TMPRSS11D: variants seen among roughly 807,000 people sequenced by gnomAD.
The protein encoded by TMPRSS11D is transmembrane serine protease 11D.
A neutral mutation model predicts 44.4 loss-of-function variants in TMPRSS11D; 32 were observed. The ratio of observed to expected loss-of-function variants is 0.72; its 90% confidence interval spans 0.54 to 0.97. TMPRSS11D has a LOEUF of 0.97. Ranked by LOEUF, TMPRSS11D falls within the 50% of genes least tolerant of loss-of-function variation. The pLI is 0.00. For missense variants in TMPRSS11D, 446 were observed against 502.6 expected (o/e 0.89, Z 1.08); for synonymous variants, 179 against 177.9 (o/e 1.01, Z -0.05).
intron 7 of TMPRSS11D, among the ~76,000 whole-genome samples, chr4:67,829,124 A>G (rs1385331399): frequency 6.6e-6 from 1 of 151,722 alleles, no homozygotes; most frequent in Non-Finnish European, 1.5e-5. Flanking sequence ...CCCTAATCTT[A>G]AAACAATCTT....
At chr4:67,841,208 T>TCAG (rs1220730894) in intron 4 of TMPRSS11D, among the ~76,000 whole-genome samples, 1 of 152,100 alleles carries the variant, frequency 6.6e-6, no homozygotes, top group Non-Finnish European at 1.5e-5. Context: ...TTGAGAGCAC[T>TCAG]CAGCATATGG....
At chr4:67,835,662 G>GA (rs1718065026) in intron 5 of TMPRSS11D, among the ~76,000 whole-genome samples, 2 of 151,928 alleles carry the variant, frequency 1.3e-5, no homozygotes, top group Admixed American at 1.3e-4. Context: ...GTAGAGAAAA[G>GA]AAAAAAGAGA....
At chr4:67,880,466 G>A (rs757608271) in intron 1 of TMPRSS11D, among the ~76,000 whole-genome samples, 7 of 152,002 alleles carry the variant, frequency 4.6e-5, no homozygotes, top group African/African-American at 1.2e-4. Flanking sequence ...ATAGTATGGC[G>A]TGTCTTTATG....
intron 4 of TMPRSS11D, among the ~76,000 whole-genome samples, chr4:67,841,727 T>C (rs186203620): frequency 6.6e-6 from 1 of 152,128 alleles, no homozygotes; most frequent in Non-Finnish European, 1.5e-5. Flanking sequence ...GACCGAAAGG[T>C]GTTTTGGAAA....
At chr4:67,877,109 T>C (rs1267921311) in intron 1 of TMPRSS11D, among the ~76,000 whole-genome samples, 2 of 152,202 alleles carry the variant, frequency 1.3e-5, no homozygotes, top group Non-Finnish European at 2.9e-5. Context: ...ATTCATTCTA[T>C]TGTGCTCTGT....
chr4:67,857,857 A>G (rs1362252725), intron 2 of TMPRSS11D, among the ~76,000 whole-genome samples: 2 of 152,230 alleles, frequency 1.3e-5, no homozygotes, highest in Non-Finnish European at 2.9e-5. Flanking sequence ...GCTAGAAAAG[A>G]GGACTTGAGT....
intron 1 of TMPRSS11D, among the ~76,000 whole-genome samples, chr4:67,874,474 T>C (rs1408801955): frequency 6.6e-6 from 1 of 152,164 alleles, no homozygotes; most frequent in Admixed American, 6.5e-5. Context: ...TACACTCTAA[T>C]GGCAGTGTTT....
chr4:67,881,137 A>G lies in TMPRSS11D; in HGVS notation c.8+2789T>C, dbSNP rs138775919. Among the ~76,000 whole-genome samples the G allele has an allele frequency of 4.3e-3, 662 of 152,310 alleles. 4 individuals are homozygous for G. Among genetic ancestry groups the G allele is most frequent in the South Asian group, 0.019 (90 of 4,830 alleles). ...ATGGGATCCTTCAAATGGGAGCAATACCTTTTAAGAAATTGGATTGGATAA... is the reference window on the plus strand; with the variant it reads ...ATGGGATCCTTCAAATGGGAGCAATGCCTTTTAAGAAATTGGATTGGATAA... On this transcript the variant is annotated intron_variant, in intron 1 of 9. Transcript: ENST00000283916.
chr4:67,852,940 A>G (rs2109682770), intron 3 of TMPRSS11D, among the ~76,000 whole-genome samples: 1 of 151,976 alleles, frequency 6.6e-6, no homozygotes, highest in Non-Finnish European at 1.5e-5. Context: ...GGTATGTGGC[A>G]TGAGATCAAC....
intron 3 of TMPRSS11D, among the ~76,000 whole-genome samples, chr4:67,853,243 T>C (rs1266869882): frequency 6.6e-6 from 1 of 152,174 alleles, no homozygotes; most frequent in Non-Finnish European, 1.5e-5. Context: ...GAAAAGAGCC[T>C]GCACACAGTG....
intron 8 of TMPRSS11D, among the ~76,000 whole-genome samples, chr4:67,826,750 C>T (rs1560536163): frequency 1.4e-5 from 2 of 140,214 alleles, no homozygotes; most frequent in Admixed American, 7.9e-5. Flanking sequence ...AGAGCAAGAA[C>T]CTGTCTGTAG....
In TMPRSS11D at chr4:67,833,392, A is replaced by G; in HGVS notation, c.515-11T>C. On this transcript the variant is annotated splice_polypyrimidine_tract_variant and intron_variant, in intron 6 of 9. Transcript: ENST00000283916. The stretch of plus-strand genomic sequence containing the variant: ...GACCGGCCCCACATTCTAATGAGAA[A>G]GGGCATTAATGTGCTGGGAAGATCA... 6.8e-7 allele frequency: 1 copy of G among 1,478,520 alleles called. No individual in the cohort carries two copies. The allele number at this position is 1,478,520 out of a possible 1,614,324, so 91.6% of individuals were successfully genotyped here.
At chr4:67,859,790 C>T (rs922664979) in intron 1 of TMPRSS11D, 112 bp from the exon 2 acceptor site, 92 of 1,393,716 alleles carry the variant, frequency 6.6e-5, no homozygotes, top group African/African-American at 1.4e-5. Flanking sequence ...GGACATGGCT[C>T]TAGCCATAGA....
At chr4:67,850,075 A>G (rs1200419820) in intron 3 of TMPRSS11D, among the ~76,000 whole-genome samples, 4 of 152,228 alleles carry the variant, frequency 2.6e-5, no homozygotes, top group African/African-American at 4.8e-5. Flanking sequence ...ATCTTGAAAT[A>G]CTAAATATAT....
intron 1 of TMPRSS11D, among the ~76,000 whole-genome samples, chr4:67,872,240 T>G (rs1719077112): frequency 6.6e-6 from 1 of 152,188 alleles, no homozygotes; most frequent in South Asian, 2.1e-4. Flanking sequence ...AATTTTTCCC[T>G]GTCTGGATTT....
intron 1 of TMPRSS11D, among the ~76,000 whole-genome samples, chr4:67,883,614 C>T (rs1719378082): frequency 6.6e-6 from 1 of 151,932 alleles, no homozygotes; most frequent in African/African-American, 2.4e-5. Flanking sequence ...TTTTAAAATC[C>T]ACACACCACT....
chr4:67,881,427 T>A (rs184924546), intron 1 of TMPRSS11D, among the ~76,000 whole-genome samples: 3 of 152,152 alleles, frequency 2.0e-5, no homozygotes, highest in African/African-American at 4.8e-5. Context: ...AGAAAAACAT[T>A]TGGGCCAAAT....
At chr4:67,877,929 T>C (rs1032176106) in intron 1 of TMPRSS11D, among the ~76,000 whole-genome samples, 1 of 152,210 alleles carries the variant, frequency 6.6e-6, no homozygotes, top group East Asian at 1.9e-4. Flanking sequence ...AATCATCTTT[T>C]AAAAACCATC....
intron 4 of TMPRSS11D, among the ~76,000 whole-genome samples, chr4:67,838,722 T>C (rs1219376836): frequency 1.3e-5 from 2 of 152,130 alleles, no homozygotes; most frequent in Admixed American, 6.6e-5. Context: ...ATAAGTGTAC[T>C]ATAAATTTTA....
Sources: allele counts gnomAD v4.1 joint callset (sites outside exome capture counted in the v4.1 genomes callset), GRCh38; gene constraint gnomAD v4.1.1; transcripts MANE v1.5; gene names NCBI Gene and HGNC (gene_info 2026-07-23, HGNC 2026-07-21).